LRBA: variants seen among roughly 807,000 people sequenced by gnomAD.
LRBA encodes the protein LPS responsive beige-like anchor protein.
A neutral mutation model predicts 330.0 loss-of-function variants in LRBA; 176 were observed. The ratio of observed to expected loss-of-function variants is 0.53; its 90% CI spans 0.47 to 0.60. LRBA has a LOEUF of 0.60. LRBA is among the 20% of genes least tolerant of loss of function. The pLI is 0.00. For synonymous variants in LRBA, 1,230 were observed against 1,193.0 expected, an observed-to-expected ratio of 1.03 and a Z score of -0.64; for missense variants, 3,259 against 3,444.8, an observed-to-expected ratio of 0.95 and a Z score of 1.35.
intron 56 of LRBA, among the ~76,000 whole-genome samples, chr4:150,269,854 G>A (rs1745838322): frequency 1.3e-5 from 2 of 152,136 alleles, no homozygotes; most frequent in Non-Finnish European, 2.9e-5. Context: ...TGAGGCGGGA[G>A]AATCATTTGA....
At chr4:150,785,344 G>T (rs557099137) in intron 34 of LRBA, among the ~76,000 whole-genome samples, 2 of 152,160 alleles carry the variant, frequency 1.3e-5, no homozygotes, top group Admixed American at 6.5e-5. Flanking sequence ...TGTTATTTTC[G>T]AGAGTATTTG....
chr4:150,658,288 C>G (rs1414866447), intron 37 of LRBA, among the ~76,000 whole-genome samples: 1 of 150,640 alleles, frequency 6.6e-6, no homozygotes, highest in African/African-American at 2.4e-5. Flanking sequence ...ATACATAAAT[C>G]GTTTCTATCT....
In LRBA at chr4:150,828,628, C is replaced by G; in HGVS notation, c.4730-7G>C. 1 of 1,603,768 alleles carries G rather than the reference C, an allele frequency of 6.2e-7. No individual in the cohort carries two copies. The highest frequency in any genetic ancestry group is 8.5e-7 in the Non-Finnish European group (1 of 1,174,966). ...AATGCTGCTGGTGTGATTTCTATATCATACCCAGAAACACAAGAAATAAAC... is the reference window on the plus strand; with the variant it reads ...AATGCTGCTGGTGTGATTTCTATATGATACCCAGAAACACAAGAAATAAAC... On this transcript the variant is annotated splice_polypyrimidine_tract_variant and splice_region_variant and intron_variant, in intron 29 of 56. Coordinates refer to ENST00000651943, the MANE Select transcript of LRBA (RefSeq NM_001364905.1).
rs369612949 is a variant in LRBA at position 150,519,393 on chromosome 4, A to G, written c.6331-28358T>C. Among the ~76,000 whole-genome samples, 19 of 152,176 alleles carry G rather than the reference A, an allele frequency of 1.2e-4. No individual in the cohort carries two copies. The East Asian group carries it at 1.9e-3, about 15-fold the overall frequency. Reference sequence around the variant, plus strand: ...CTGTCAACATCTCCTGTAAACATTCACTGTTCTCATTTCTTTCATCTCTGA... The same window carrying G: ...CTGTCAACATCTCCTGTAAACATTCGCTGTTCTCATTTCTTTCATCTCTGA... On this transcript the variant is annotated intron_variant, in intron 40 of 56. Coordinates refer to ENST00000651943, the MANE Select transcript of LRBA (RefSeq NM_001364905.1).
intron 9 of LRBA, among the ~76,000 whole-genome samples, chr4:150,910,527 A>G (rs539135281): frequency 6.6e-6 from 1 of 152,214 alleles, no homozygotes; most frequent in Admixed American, 6.5e-5. Flanking sequence ...CCCTTGGCCT[A>G]TGTGTCTAAG....
At chr4:150,597,049 A>C (rs772290075) in intron 38 of LRBA, 1 of 1,135,846 alleles carries the variant, frequency 8.8e-7, no homozygotes, top group Non-Finnish European at 1.3e-6. Context: ...GACAATAATC[A>C]TAAAATTACT....
At chr4:150,282,752 T>C (rs1747693763) in intron 54 of LRBA, 106 bp from the exon 55 acceptor site, 2 of 777,932 alleles carry the variant, frequency 2.6e-6, no homozygotes, top group Non-Finnish European at 2.0e-6. Flanking sequence ...ACACTATAGA[T>C]GTAGAAAGCC....
rs1745106185 is a variant in LRBA at position 150,264,872 on chromosome 4, T to G, written c.*850A>C. 1 of 151,060 alleles carries G rather than the reference T, an allele frequency of 6.6e-6. No individual in the cohort carries two copies. The highest frequency in any genetic ancestry group is 2.1e-4 in the South Asian group (1 of 4,698). 9.4% of individuals were successfully genotyped at this position (151,060 alleles called of 1,614,324 possible). On this transcript the variant is annotated 3_prime_UTR_variant, in exon 57 of 57. Coordinates refer to ENST00000651943, the MANE Select transcript of LRBA (RefSeq NM_001364905.1). ...AGGTGTTGCTGAATACAGCACCCGGTAGCCTCTATTTGCAAACCCGGGGAG... is the reference window on the plus strand; with the variant it reads ...AGGTGTTGCTGAATACAGCACCCGGGAGCCTCTATTTGCAAACCCGGGGAG...
At chr4:150,879,575 C>T (rs952732428) in intron 17 of LRBA, among the ~76,000 whole-genome samples, 1 of 152,022 alleles carries the variant, frequency 6.6e-6, no homozygotes, top group South Asian at 2.1e-4. Context: ...AAAATTCAAA[C>T]TCTCTCTCTT....
intron 37 of LRBA, among the ~76,000 whole-genome samples, chr4:150,677,837 A>G (rs62346264): frequency 0.027 from 3,998 of 150,306 alleles, 172 homozygotes; most frequent in African/African-American, 0.093. Context: ...AGAAAAAAGA[A>G]AAGAGAAAAG....
chr4:150,977,217 C>A (rs1165166129), intron 2 of LRBA, among the ~76,000 whole-genome samples: 3 of 152,224 alleles, frequency 2.0e-5, no homozygotes, highest in Admixed American at 1.3e-4. Context: ...CTCCTTCCAT[C>A]AGCTTGAGGA....
chr4:150,419,519 TGAA>T (rs1484292094), intron 46 of LRBA, among the ~76,000 whole-genome samples: 1 of 152,104 alleles, frequency 6.6e-6, no homozygotes, highest in Admixed American at 6.6e-5. Context: ...CAGCCTAATA[TGAA>T]GAAGGGCTAA....
At chr4:150,941,621 T>A (rs1579271314) in intron 2 of LRBA, among the ~76,000 whole-genome samples, 1 of 152,106 alleles carries the variant, frequency 6.6e-6, no homozygotes, top group African/African-American at 2.4e-5. Flanking sequence ...CTACAATGGC[T>A]CATGTCTGTA....
intron 35 of LRBA, among the ~76,000 whole-genome samples, chr4:150,737,992 T>C (rs1731443480): frequency 6.8e-6 from 1 of 147,864 alleles, no homozygotes; most frequent in African/African-American, 2.5e-5. Context: ...TCTTTTTTTT[T>C]TTTTTTTTTT....
At chr4:150,723,048 A>G (rs866998525) in intron 36 of LRBA, among the ~76,000 whole-genome samples, 8 of 152,140 alleles carry the variant, frequency 5.3e-5, no homozygotes, top group Non-Finnish European at 8.8e-5. Flanking sequence ...AGGGGACAGA[A>G]CATGAGTTTC....
chr4:150,655,202 T>A (rs1359656868), intron 37 of LRBA, among the ~76,000 whole-genome samples: 2 of 152,204 alleles, frequency 1.3e-5, no homozygotes, highest in African/African-American at 2.4e-5. Context: ...TTTAAAAATA[T>A]AAGCAAATAT....
intron 2 of LRBA, among the ~76,000 whole-genome samples, chr4:150,930,881 G>C (rs567055000): frequency 6.6e-6 from 1 of 152,216 alleles, no homozygotes; most frequent in East Asian, 1.9e-4. Context: ...CCTTGTGATG[G>C]AGTCAATTCT....
intron 2 of LRBA, among the ~76,000 whole-genome samples, chr4:150,934,912 G>C (rs1461421347): frequency 6.6e-6 from 1 of 151,986 alleles, no homozygotes; most frequent in Non-Finnish European, 1.5e-5. Flanking sequence ...GGAAGCTGAG[G>C]CAGGAGAATC....
At chr4:150,654,989 T>C (rs531104690) in intron 37 of LRBA, among the ~76,000 whole-genome samples, 6 of 152,298 alleles carry the variant, frequency 3.9e-5, no homozygotes, top group African/African-American at 9.6e-5. Context: ...TTGTGAATAG[T>C]GCCGCAATAA....
Sources: gnomAD v4.1 joint callset for allele counts (sites outside exome capture counted in the v4.1 genomes callset) on GRCh38, gnomAD v4.1.1 for gene constraint, MANE v1.5 for transcripts, NCBI Gene and HGNC (gene_info 2026-07-23, HGNC 2026-07-21) for gene names.